The following CAMKMT variants were observed in gnomAD, a reference collection of about 807,000 sequenced individuals.
CAMKMT encodes CaM KMT.
A neutral mutation model predicts 48.0 loss-of-function variants in CAMKMT; 53 were observed. The observed-to-expected ratio is 1.10, with a 90% CI of 0.89 to 1.39. The LOEUF (loss-of-function observed/expected upper bound fraction) is 1.39, where lower values mean the gene tolerates loss of function less well. Ranked by LOEUF, CAMKMT falls within the 40% of genes most tolerant of loss-of-function variation. The pLI, the probability that CAMKMT is intolerant of heterozygous loss-of-function variation, is 0.00. For synonymous variants in CAMKMT, 165 were observed against 152.3 expected (o/e 1.08, Z -0.61); for missense variants, 428 against 402.7 (o/e 1.06, Z -0.54).
intron 3 of CAMKMT, among the ~76,000 whole-genome samples, chr2:44,488,176 T>C (rs189767879): frequency 6.6e-6 from 1 of 152,292 alleles, no homozygotes; most frequent in East Asian, 1.9e-4. Flanking sequence ...ATGAAATGTG[T>C]AAGTTTGCCA....
chr2:44,570,203 G>A (rs964778465), intron 3 of CAMKMT, among the ~76,000 whole-genome samples: 5 of 152,140 alleles, frequency 3.3e-5, no homozygotes, highest in Non-Finnish European at 7.4e-5. Context: ...TAGATCTAAT[G>A]CACTTTGTAT....
chr2:44,742,845 A>G (rs1270570449), intron 7 of CAMKMT, among the ~76,000 whole-genome samples: 1 of 152,350 alleles, frequency 6.6e-6, no homozygotes, highest in East Asian at 1.9e-4. Flanking sequence ...GAATCAAAAT[A>G]GAAAATAGGA....
chr2:44,382,954 G>C (rs1426159313), intron 2 of CAMKMT, among the ~76,000 whole-genome samples: 3 of 152,174 alleles, frequency 2.0e-5, no homozygotes, highest in Non-Finnish European at 4.4e-5. Flanking sequence ...TTAAACAAGA[G>C]AAATTTAGTT....
chr2:44,379,530 A>G (rs994041560), intron 2 of CAMKMT, among the ~76,000 whole-genome samples: 2 of 152,172 alleles, frequency 1.3e-5, no homozygotes, highest in Admixed American at 6.5e-5. Flanking sequence ...CTAGGAATGT[A>G]TGAGTGTTTT....
At position 44,743,690 on chromosome 2, in the gene CAMKMT, CTGACTGG is replaced by C. The variant is rs1404218006; in HGVS notation, c.694_698+2del. 1 of 1,610,844 alleles carries C rather than the reference CTGACTGG, an allele frequency of 6.2e-7. No individual in the cohort carries two copies. Among genetic ancestry groups the C allele is most frequent in the Non-Finnish European group, 8.5e-7 (1 of 1,177,532 alleles). Reference sequence around the variant, plus strand: ...GGACATTTTGACATTGTTATGTGTGCTGACTGGTAAGTACATAAAAATCACAAAACTC... The same window carrying C: ...GGACATTTTGACATTGTTATGTGTGCTAAGTACATAAAAATCACAAAACTC... On this transcript the variant is annotated splice_donor_variant and coding_sequence_variant, in exon 8 of 11. Coordinates refer to ENST00000378494, the MANE Select transcript of CAMKMT (RefSeq NM_024766.5). LOFTEE classifies it high-confidence loss of function.
At chr2:44,634,546 A>G (rs1195233153) in intron 3 of CAMKMT, among the ~76,000 whole-genome samples, 2 of 152,106 alleles carry the variant, frequency 1.3e-5, no homozygotes, top group African/African-American at 4.8e-5. Flanking sequence ...TTACTTATAC[A>G]TCATACCACA....
intron 3 of CAMKMT, among the ~76,000 whole-genome samples, chr2:44,698,847 C>T (rs563003493): frequency 3.0e-4 from 45 of 152,340 alleles, no homozygotes; most frequent in Non-Finnish European, 4.6e-4. Flanking sequence ...AGTCAATCCT[C>T]TCAAACCCTG....
intron 2 of CAMKMT, among the ~76,000 whole-genome samples, chr2:44,375,183 T>C (rs1350801204): frequency 6.6e-6 from 1 of 151,396 alleles, no homozygotes; most frequent in African/African-American, 2.4e-5. Context: ...TTTTTTTTTG[T>C]TTTGTTTTTT....
chr2:44,372,868 T>G lies in CAMKMT; in HGVS notation c.291T>G (p.Pro97=). 1 of 1,613,490 alleles carries G rather than the reference T, an allele frequency of 6.2e-7. No homozygotes were observed. The highest frequency in any genetic ancestry group is 1.3e-5 in the African/African-American group (1 of 75,006). ...AWVQYTSIFC[P]EYSISLRHNS... ...TCCAATATACAAGCATCTTCTGTCC[T>G]GAATACAGTATCTCCTTAAGGTAAC... Residue 97 remains proline (P), a synonymous_variant, in exon 2 of 11, where the codon CCT becomes CCG. Coordinates refer to ENST00000378494, the MANE Select transcript of CAMKMT (RefSeq NM_024766.5).
rs751923056 is a variant in CAMKMT, at chr2:44,706,270, T to G, written c.438-17T>G. 2 of 1,613,170 alleles carry G rather than the reference T, an allele frequency of 1.2e-6. No homozygotes were observed. The highest frequency in any genetic ancestry group is 8.5e-7 in the Non-Finnish European group (1 of 1,179,342). Reference sequence around the variant, plus strand: ...TCTAATTTGTATGGGTTCTACCATTTCTTTTCTCTCTTTCAGGGCCCTTGC... The same window carrying G: ...TCTAATTTGTATGGGTTCTACCATTGCTTTTCTCTCTTTCAGGGCCCTTGC... On this transcript the variant is annotated splice_polypyrimidine_tract_variant and intron_variant, in intron 4 of 10. Transcript: ENST00000378494.
chr2:44,524,832 A>C (rs1462611344), intron 3 of CAMKMT, among the ~76,000 whole-genome samples: 2 of 152,168 alleles, frequency 1.3e-5, no homozygotes, highest in Non-Finnish European at 1.5e-5. Flanking sequence ...GAATCCAGCA[A>C]ATGTTTTTGG....
At chr2:44,596,132 TA>T (rs766302518) in intron 3 of CAMKMT, among the ~76,000 whole-genome samples, 543 of 140,534 alleles carry the variant, frequency 3.9e-3, no homozygotes, top group African/African-American at 4.1e-3. Flanking sequence ...ACTTATAATT[TA>T]AAAAAAAAAA....
intron 3 of CAMKMT, among the ~76,000 whole-genome samples, chr2:44,584,189 C>T (rs1451559738): frequency 6.6e-6 from 1 of 152,198 alleles, no homozygotes; most frequent in Non-Finnish European, 1.5e-5. Flanking sequence ...ATGTGTATCA[C>T]TGGTGTTTTC....
chr2:44,565,064 G>A (rs548023377), intron 3 of CAMKMT, among the ~76,000 whole-genome samples: 63 of 152,206 alleles, frequency 4.1e-4, no homozygotes, highest in African/African-American at 1.5e-3. Flanking sequence ...TTTTTCTACT[G>A]GGTTGAGGGT....
At chr2:44,546,343 C>T (rs546160818) in intron 3 of CAMKMT, among the ~76,000 whole-genome samples, 5 of 152,326 alleles carry the variant, frequency 3.3e-5, no homozygotes, top group Non-Finnish European at 7.3e-5. Context: ...TCAGTGGTCA[C>T]TTGTGTGATG....
chr2:44,582,230 T>C lies in CAMKMT; in HGVS notation c.377-122053T>C, dbSNP rs1669604831. Reference sequence around the variant, plus strand: ...TAGTCTATTTTGACATTTAGATTGCTTCACAAATACATATATGTGAACTTG... The same window carrying C: ...TAGTCTATTTTGACATTTAGATTGCCTCACAAATACATATATGTGAACTTG... On this transcript the variant is annotated intron_variant, in intron 3 of 10. Coordinates refer to ENST00000378494, the MANE Select transcript of CAMKMT (RefSeq NM_024766.5). Among the ~76,000 whole-genome samples the C allele has an allele frequency of 2.6e-5, 4 of 152,328 alleles. No individual in the cohort carries two copies. In the South Asian group the frequency reaches 8.3e-4, roughly 32 times the overall value.
In CAMKMT at chr2:44,563,051, T is replaced by C. The variant is rs190176059; in HGVS notation, c.377-141232T>C. ...TTTGATCTAACCAACTCCTATGCCA[T>C]AACTAGTGTTATTCCTATTTTATGG... On this transcript the variant is annotated intron_variant, in intron 3 of 10. Transcript: ENST00000378494. Among the ~76,000 whole-genome samples the C allele has an allele frequency of 2.6e-5, 4 of 152,338 alleles. No individual in the cohort carries two copies. In the East Asian group the frequency reaches 7.7e-4, roughly 29 times the overall value.
At chr2:44,769,102 T>C (rs560635204) in intron 10 of CAMKMT, among the ~76,000 whole-genome samples, 3 of 151,034 alleles carry the variant, frequency 2.0e-5, no homozygotes, top group African/African-American at 4.9e-5. Flanking sequence ...GGGGAAAAAA[T>C]TAGTTACTTG....
chr2:44,371,686 C>T (rs6713213), intron 1 of CAMKMT, among the ~76,000 whole-genome samples: 14,837 of 152,138 alleles, frequency 0.098, 2,366 homozygotes, highest in African/African-American at 0.33. Context: ...TCACTTCTCC[C>T]ATTGCCCCAC....
Sources: gnomAD v4.1 joint callset for allele counts (sites outside exome capture counted in the v4.1 genomes callset) on GRCh38, gnomAD v4.1.1 for gene constraint, MANE v1.5 for transcripts, NCBI Gene and HGNC (gene_info 2026-07-23, HGNC 2026-07-21) for gene names.